The following SAMD12 variants were observed in gnomAD, a reference collection of about 807,000 sequenced individuals.
SAMD12 encodes the protein sterile alpha motif domain-containing protein 12.
Under a neutral mutation model 15.0 loss-of-function variants are expected in SAMD12, and 9 were observed. The ratio of observed to expected loss-of-function variants is 0.60; its 90% CI spans 0.36 to 1.05. SAMD12 has a LOEUF of 1.05. Among genes scored for constraint, SAMD12 ranks in the 50% least tolerant of loss-of-function variants. The pLI is 0.01. For synonymous variants in SAMD12, 86 were observed against 90.1 expected, an observed-to-expected ratio of 0.96 and a Z score of 0.25; for missense variants, 230 against 234.2, an observed-to-expected ratio of 0.98 and a Z score of 0.12.
intron 2 of SAMD12, among the ~76,000 whole-genome samples, chr8:118,573,338 G>A (rs1361170195): frequency 6.6e-6 from 1 of 152,012 alleles, no homozygotes; most frequent in African/African-American, 2.4e-5. Flanking sequence ...TACCCATCTC[G>A]GCCTCCCAAA....
rs114087531 is a variant in SAMD12, at chr8:118,569,907, C to T, written c.192+10808G>A. Among the ~76,000 whole-genome samples the T allele has an allele frequency of 4.5e-3, 679 of 152,290 alleles. 4 individuals carry two copies. Among genetic ancestry groups the T allele is most frequent in the African/African-American group, 0.016 (645 of 41,560 alleles). On this transcript the variant is annotated intron_variant, in intron 2 of 3. Coordinates refer to ENST00000314727, the MANE Select transcript of SAMD12 (RefSeq NM_207506.3). Reference sequence around the variant, plus strand: ...TATGTGTGAAATCAACATTTGAAAACGATTTCTAATCCATACAGCCTTGGA... The same window carrying T: ...TATGTGTGAAATCAACATTTGAAAATGATTTCTAATCCATACAGCCTTGGA...
intron 2 of SAMD12, among the ~76,000 whole-genome samples, chr8:118,529,563 G>C (rs1825629136): frequency 6.6e-6 from 1 of 152,034 alleles, no homozygotes; most frequent in Admixed American, 6.6e-5. Flanking sequence ...CTACCCCTTG[G>C]AGTTGCCAGT....
At chr8:118,297,464 T>C (rs1463671284) in intron 4 of SAMD12, among the ~76,000 whole-genome samples, 2 of 152,214 alleles carry the variant, frequency 1.3e-5, no homozygotes, top group African/African-American at 4.8e-5. Context: ...GGGACTAATT[T>C]CACAGGAGCA....
chr8:118,230,494 G>A (rs1812288174), intron 4 of SAMD12, among the ~76,000 whole-genome samples: 2 of 152,066 alleles, frequency 1.3e-5, no homozygotes, highest in Non-Finnish European at 2.9e-5. Context: ...ACGTTTCTTG[G>A]AAGCTTCCCT....
downstream of SAMD12, among the ~76,000 whole-genome samples, chr8:118,188,603 A>G (rs1158130320): frequency 6.6e-6 from 1 of 152,130 alleles, no homozygotes; most frequent in East Asian, 1.9e-4. Context: ...CCTTTCTGGG[A>G]AAGAAGTGTT....
intron 1 of SAMD12, among the ~76,000 whole-genome samples, chr8:118,617,888 C>A (rs1373577733): frequency 6.6e-6 from 1 of 152,154 alleles, no homozygotes; most frequent in Non-Finnish European, 1.5e-5. Context: ...CAACCCATTT[C>A]TGTTAGAAAA....
At chr8:118,562,675 T>A (rs866777827) in intron 2 of SAMD12, among the ~76,000 whole-genome samples, 30 of 152,348 alleles carry the variant, frequency 2.0e-4, no homozygotes, top group Middle Eastern at 6.8e-3. Flanking sequence ...ACAGATCAAA[T>A]CACAGCATGC....
chr8:118,164,610 A>C, the SAMD12 span, among the ~76,000 whole-genome samples: 1 of 152,020 alleles, frequency 6.6e-6, no homozygotes, highest in Non-Finnish European at 1.5e-5. Flanking sequence ...GAGATGGATA[A>C]TGATATGGTG....
chr8:118,157,013 G>T, the SAMD12 span, among the ~76,000 whole-genome samples: 3 of 152,200 alleles, frequency 2.0e-5, no homozygotes, highest in Non-Finnish European at 2.9e-5. Flanking sequence ...ATAATACACA[G>T]CCAGTAAATA....
At chr8:118,302,505 G>C (rs1056406458) in intron 4 of SAMD12, among the ~76,000 whole-genome samples, 3 of 152,134 alleles carry the variant, frequency 2.0e-5, no homozygotes, top group Non-Finnish European at 4.4e-5. Flanking sequence ...ATGGTGCCAT[G>C]AGCAACAGTT....
intron 3 of SAMD12, among the ~76,000 whole-genome samples, chr8:118,428,539 T>G (rs1822305783): frequency 6.6e-6 from 1 of 152,216 alleles, no homozygotes; most frequent in Non-Finnish European, 1.5e-5. Flanking sequence ...GTCGTGAAAT[T>G]TTCTCTTATG....
intron 4 of SAMD12, among the ~76,000 whole-genome samples, chr8:118,248,537 C>G (rs920816259): frequency 6.6e-6 from 1 of 152,002 alleles, no homozygotes; most frequent in South Asian, 2.1e-4. Context: ...CAGAAAGGAT[C>G]TTATGGCAAT....
chr8:118,241,280 G>T (rs1479911676), intron 4 of SAMD12, among the ~76,000 whole-genome samples: 1 of 152,032 alleles, frequency 6.6e-6, no homozygotes, highest in African/African-American at 2.4e-5. Flanking sequence ...TCTGAGGGCA[G>T]GTGTAGAAAA....
intron 2 of SAMD12, among the ~76,000 whole-genome samples, chr8:118,465,969 A>G (rs1283266667): frequency 6.6e-6 from 1 of 152,120 alleles, no homozygotes; most frequent in East Asian, 1.9e-4. Flanking sequence ...TTTTCTTTTT[A>G]AGAGAGGCTT....
At chr8:118,253,514 G>T (rs1439680734) in intron 4 of SAMD12, among the ~76,000 whole-genome samples, 3 of 152,102 alleles carry the variant, frequency 2.0e-5, no homozygotes, top group Non-Finnish European at 4.4e-5. Flanking sequence ...GTATCTCAGG[G>T]CCTAGTGAGT....
chr8:118,348,639 T>C (rs1378803986), intron 4 of SAMD12, among the ~76,000 whole-genome samples: 3 of 152,208 alleles, frequency 2.0e-5, no homozygotes, highest in Non-Finnish European at 4.4e-5. Flanking sequence ...CCTGAAGTGC[T>C]GGGATTACAG....
rs544621241 is a variant in SAMD12 at position 118,455,200 on chromosome 8, T to A, written c.193-15239A>T. Among the ~76,000 whole-genome samples the A allele has an allele frequency of 5.9e-5, 9 of 152,028 alleles. No homozygotes were observed. In the East Asian group the frequency reaches 1.6e-3, roughly 26 times the overall value. On this transcript the variant is annotated intron_variant, in intron 2 of 3. Coordinates refer to ENST00000314727, the MANE Select transcript of SAMD12 (RefSeq NM_207506.3). Reference sequence around the variant, plus strand: ...AGACTACAACTTCCTTCCTGTGGCCTCCTGGTAGCCTCTGACACAATGGAA... The same window carrying A: ...AGACTACAACTTCCTTCCTGTGGCCACCTGGTAGCCTCTGACACAATGGAA...
chr8:118,516,405 T>C (rs1825245559), intron 2 of SAMD12, among the ~76,000 whole-genome samples: 1 of 152,210 alleles, frequency 6.6e-6, no homozygotes, highest in Non-Finnish European at 1.5e-5. Context: ...ATGTTTACAA[T>C]GTTCATATGA....
At position 118,378,777 on chromosome 8, in the gene SAMD12, T is replaced by C. The variant is rs775860182; in HGVS notation, c.*640A>G. 240 of 984,550 alleles carry C rather than the reference T, an allele frequency of 2.4e-4. No homozygotes were observed. The highest frequency in any genetic ancestry group is 2.8e-4 in the Non-Finnish European group (229 of 829,240). 61.0% of individuals were successfully genotyped at this position (984,550 alleles called of 1,614,324 possible). On this transcript the variant is annotated 3_prime_UTR_variant, in exon 4 of 4. Transcript: ENST00000314727. ...GAAGGTTGATAGCATCCAAATCTCATGTAGACATATCAGTTACATATAGTG... is the reference window on the plus strand; with the variant it reads ...GAAGGTTGATAGCATCCAAATCTCACGTAGACATATCAGTTACATATAGTG...
Sources: allele counts gnomAD v4.1 joint callset (sites outside exome capture counted in the v4.1 genomes callset), GRCh38; gene constraint gnomAD v4.1.1; transcripts MANE v1.5; gene names NCBI Gene and HGNC (gene_info 2026-07-23, HGNC 2026-07-21).